ME1: variants seen among roughly 807,000 people sequenced by gnomAD.
ME1 encodes the protein malic enzyme 1, also known as NADP-dependent malic enzyme.
A neutral mutation model predicts 66.4 loss-of-function variants in ME1; 74 were observed. The observed-to-expected ratio is 1.11, with a 90% CI of 0.92 to 1.35. The LOEUF (loss-of-function observed/expected upper bound fraction) is 1.35, where lower values mean the gene tolerates loss of function less well. Ranked by LOEUF, ME1 falls within the 40% of genes most tolerant of loss-of-function variation. ME1 has a pLI of 0.00. For missense variants in ME1, 750 were observed against 694.1 expected, an observed-to-expected ratio of 1.08 and a Z score of -0.90; for synonymous variants, 251 against 235.6, an observed-to-expected ratio of 1.07 and a Z score of -0.60.
chr6:83,342,284 C>A (rs1175197349), intron 5 of ME1, among the ~76,000 whole-genome samples: 3 of 152,190 alleles, frequency 2.0e-5, no homozygotes, highest in Admixed American at 2.0e-4. Flanking sequence ...TTCATTAAAT[C>A]TCTTCTTTTC....
chr6:83,254,885 G>A (rs1256114801), intron 6 of ME1, among the ~76,000 whole-genome samples: 1 of 151,996 alleles, frequency 6.6e-6, no homozygotes, highest in Admixed American at 6.6e-5. Flanking sequence ...TCTTCCCTCT[G>A]ATGTCAAACC....
At chr6:83,288,555 T>C (rs1039340052) in intron 6 of ME1, among the ~76,000 whole-genome samples, 4 of 152,226 alleles carry the variant, frequency 2.6e-5, no homozygotes, top group African/African-American at 4.8e-5. Context: ...TTGGTTATTG[T>C]AGCCTTGTAG....
At chr6:83,373,674 A>C (rs893271078) in intron 3 of ME1, among the ~76,000 whole-genome samples, 5 of 152,264 alleles carry the variant, frequency 3.3e-5, no homozygotes, top group African/African-American at 9.6e-5. Flanking sequence ...ACATAGGTAA[A>C]TGTGTGCCAC....
intron 1 of ME1, among the ~76,000 whole-genome samples, chr6:83,422,237 C>A (rs188897990): frequency 3.2e-4 from 49 of 152,224 alleles, no homozygotes; most frequent in Admixed American, 1.9e-3. Context: ...ATCCACTGGG[C>A]GGTACACATA....
intron 6 of ME1, among the ~76,000 whole-genome samples, chr6:83,277,104 G>A (rs6917618): frequency 0.071 from 10,808 of 152,152 alleles, 473 homozygotes; most frequent in Admixed American, 0.098. Flanking sequence ...GTATAAGATG[G>A]CATTTCTTTA....
chr6:83,354,878 C>T (rs1295571984), intron 3 of ME1, among the ~76,000 whole-genome samples: 1 of 152,062 alleles, frequency 6.6e-6, no homozygotes. Flanking sequence ...CTTTTATAAT[C>T]AAATATTATA....
intron 3 of ME1, among the ~76,000 whole-genome samples, chr6:83,355,912 T>G (rs902061372): frequency 2.0e-5 from 3 of 152,188 alleles, no homozygotes; most frequent in Admixed American, 6.5e-5. Context: ...ATTTTAGACA[T>G]GCCAACTAAG....
chr6:83,313,546 T>C (rs1222695902), intron 6 of ME1, among the ~76,000 whole-genome samples: 2 of 152,210 alleles, frequency 1.3e-5, no homozygotes, highest in African/African-American at 4.8e-5. Context: ...CCTAACTTGT[T>C]AGCAGCGTCT....
chr6:83,400,726 T>C (rs1769822898), intron 2 of ME1, among the ~76,000 whole-genome samples: 1 of 152,206 alleles, frequency 6.6e-6, no homozygotes, highest in Non-Finnish European at 1.5e-5. Flanking sequence ...ATCATGTGGC[T>C]CTTCTGGTCA....
At chr6:83,398,247 C>G in intron 3 of ME1, 120 bp downstream of exon 3, 1 of 700,284 alleles carries the variant, frequency 1.4e-6, no homozygotes, top group Non-Finnish European at 2.3e-6. Context: ...CTCTGTACAT[C>G]ATAAATATAT....
chr6:83,224,836 T>C (rs1028070189), intron 11 of ME1, among the ~76,000 whole-genome samples: 6 of 152,132 alleles, frequency 3.9e-5, no homozygotes, highest in Middle Eastern at 6.8e-3. Flanking sequence ...TCAACAATTG[T>C]CTTCATTTTG....
rs190537290 is a variant in ME1, at chr6:83,402,618, G to A, written c.213-4102C>T. The stretch of plus-strand genomic sequence containing the variant: ...TAAACTGTTACACTACAGTGGAGGC[G>A]GGAAAGAGTATGTCTGAAATACAGG... On this transcript the variant is annotated intron_variant, in intron 2 of 13. Coordinates refer to ENST00000369705, the MANE Select transcript of ME1 (RefSeq NM_002395.6). Among the ~76,000 whole-genome samples, 30 of 152,240 alleles carry A rather than the reference G, an allele frequency of 2.0e-4. 1 individual carries two copies. Among genetic ancestry groups the A allele is most frequent in the African/African-American group, 6.3e-4 (26 of 41,542 alleles).
intron 3 of ME1, among the ~76,000 whole-genome samples, chr6:83,355,171 A>G (rs1768865440): frequency 6.6e-6 from 1 of 152,212 alleles, no homozygotes; most frequent in African/African-American, 2.4e-5. Flanking sequence ...ATCTCAATAA[A>G]TAATTATAAA....
intron 12 of ME1, among the ~76,000 whole-genome samples, chr6:83,220,736 A>G (rs541354607): frequency 6.6e-6 from 1 of 152,334 alleles, no homozygotes; most frequent in Admixed American, 6.5e-5. Flanking sequence ...TCCTCTTGCT[A>G]AGATACATGA....
intron 5 of ME1, among the ~76,000 whole-genome samples, chr6:83,344,865 G>C (rs1434853459): frequency 6.6e-6 from 1 of 151,368 alleles, no homozygotes; most frequent in African/African-American, 2.4e-5. Context: ...CTGGGTGACA[G>C]CAAGACTCCG....
intron 1 of ME1, among the ~76,000 whole-genome samples, chr6:83,428,612 A>G (rs529262841): frequency 3.9e-4 from 60 of 152,110 alleles, no homozygotes; most frequent in African/African-American, 1.3e-3. Flanking sequence ...CTGAGCTACT[A>G]GCAAAATTAA....
At position 83,223,839 on chromosome 6, in the gene ME1, A is replaced by C. The variant is rs375470975; in HGVS notation, c.1370T>G (p.Val457Gly). The change falls in exon 12 of 14, where the codon GTG becomes GGG. Residue 457 changes from valine to glycine, a missense_variant. Coordinates refer to ENST00000369705, the MANE Select transcript of ME1 (RefSeq NM_002395.6). ...AACACCAAGAGCAACTCCAGGGAACACATAGGAATTGTTGCCTTGGCCAGG... is the reference window on the plus strand; with the variant it reads ...AACACCAAGAGCAACTCCAGGGAACCCATAGGAATTGTTGCCTTGGCCAGG... ...LYPGQGNNSY[V>G]FPGVALGVVA... 40 of 1,613,960 alleles carry C rather than the reference A, an allele frequency of 2.5e-5. No homozygotes were observed. Among genetic ancestry groups the C allele is most frequent in the Admixed American group, 6.7e-5 (4 of 60,006 alleles).
At chr6:83,302,305 T>C (rs956457581) in intron 6 of ME1, among the ~76,000 whole-genome samples, 1 of 150,830 alleles carries the variant, frequency 6.6e-6, no homozygotes, top group African/African-American at 2.4e-5. Flanking sequence ...TTACTTAGAG[T>C]AGGAGGTTGG....
At chr6:83,398,097 A>T (rs916034467) in intron 3 of ME1, among the ~76,000 whole-genome samples, 1 of 152,162 alleles carries the variant, frequency 6.6e-6, no homozygotes, top group African/African-American at 2.4e-5. Context: ...ATTGCTAAGG[A>T]TAATTTATTA....
Sources: allele counts gnomAD v4.1 joint callset (sites outside exome capture counted in the v4.1 genomes callset), GRCh38; gene constraint gnomAD v4.1.1; transcripts MANE v1.5; gene names NCBI Gene and HGNC (gene_info 2026-07-23, HGNC 2026-07-21).